The following UQCC6 variants were observed in gnomAD, a reference collection of about 807,000 sequenced individuals.
The protein encoded by UQCC6 is ubiquinol-cytochrome c reductase complex assembly factor 6, also known as protein BRAWNIN.
At chr12:103,957,890 A>AAAATATATATATATAATATATATTTTT in the UQCC6 span, among the ~76,000 whole-genome samples, 14 of 114,938 alleles carry the variant, frequency 1.2e-4, no homozygotes, top group Admixed American at 1.9e-4. Context: ...ATCTCTACTA[A>AAAATATATATATATAATATATATTTTT]AAATATATAT....
At chr12:103,958,505 C>CTATATA in the UQCC6 span, among the ~76,000 whole-genome samples, 2,065 of 152,192 alleles carry the variant, frequency 0.014, 20 homozygotes, top group Middle Eastern at 0.034. Flanking sequence ...CTTTCTGTCA[C>CTATATA]TATAAGTTAG....
the UQCC6 span, among the ~76,000 whole-genome samples, chr12:103,959,905 G>T: frequency 6.9e-6 from 1 of 144,754 alleles, no homozygotes; most frequent in African/African-American, 2.5e-5. Flanking sequence ...CCAAGTAGCT[G>T]AGATTACAGG....
At chr12:103,960,034 CA>C in the UQCC6 span, among the ~76,000 whole-genome samples, 2 of 151,952 alleles carry the variant, frequency 1.3e-5, no homozygotes, top group African/African-American at 4.8e-5. Flanking sequence ...CTCGGCCTCC[CA>C]AAGTGCTGGG....
the UQCC6 span, chr12:103,951,545 G>A: frequency 6.5e-7 from 1 of 1,543,074 alleles, no homozygotes; most frequent in African/African-American, 1.4e-5. Flanking sequence ...CTCCTGTTGA[G>A]AAACTTGAGG....
At chr12:103,951,559 G>T in the UQCC6 span, 1 of 1,548,878 alleles carries the variant, frequency 6.5e-7, no homozygotes, top group Non-Finnish European at 8.7e-7. Context: ...CTTGAGGTTT[G>T]TGTTTTCTTT....
chr12:103,956,898 G>T, the UQCC6 span: 2 of 590,380 alleles, frequency 3.4e-6, no homozygotes, highest in South Asian at 4.1e-5. Context: ...CCCACGCCTC[G>T]GTTTCCTCCT....
chr12:103,951,612 G>T, the UQCC6 span: 1 of 1,538,234 alleles, frequency 6.5e-7, no homozygotes, highest in Non-Finnish European at 8.8e-7. Context: ...CCACGCTTTG[G>T]TGGAATTTCA....
the UQCC6 span, among the ~76,000 whole-genome samples, chr12:103,959,839 C>G: frequency 3.5e-5 from 4 of 114,790 alleles, no homozygotes; most frequent in Middle Eastern, 0.028. Flanking sequence ...GAGTCTTGCT[C>G]TGTCACCAGG....
chr12:103,956,967 C>A, the UQCC6 span: 2 of 522,924 alleles, frequency 3.8e-6, no homozygotes, highest in African/African-American at 1.9e-5. Context: ...CAGCCCCAAT[C>A]GTTTATCAGT....
the UQCC6 span, among the ~76,000 whole-genome samples, chr12:103,955,314 C>T: frequency 6.7e-6 from 1 of 148,378 alleles, no homozygotes; most frequent in African/African-American, 2.5e-5. Context: ...GAGACTGTGT[C>T]TCAAAAAATA....
chr12:103,957,126 A>C, the UQCC6 span: 1 of 199,808 alleles, frequency 5.0e-6, no homozygotes, highest in Admixed American at 5.6e-5. Flanking sequence ...CACGCGCTCT[A>C]CTAGAGACTG....
At chr12:103,962,122 A>G in the UQCC6 span, among the ~76,000 whole-genome samples, 2 of 151,920 alleles carry the variant, frequency 1.3e-5, no homozygotes, top group African/African-American at 4.8e-5. Context: ...TTGTGCTTCT[A>G]TTTTCTTTGG....
At chr12:103,958,602 T>A in the UQCC6 span, among the ~76,000 whole-genome samples, 2 of 152,242 alleles carry the variant, frequency 1.3e-5, no homozygotes, top group African/African-American at 4.8e-5. Flanking sequence ...TCAGTTATTT[T>A]GAGATTCATC....
the UQCC6 span, chr12:103,955,832 C>G: frequency 6.6e-6 from 3 of 455,208 alleles, no homozygotes; most frequent in Admixed American, 4.7e-5. Flanking sequence ...CTCCACCTCC[C>G]CAAGACTCTA....
At chr12:103,954,945 C>T in the UQCC6 span, 2 of 701,652 alleles carry the variant, frequency 2.9e-6, no homozygotes, top group South Asian at 1.5e-5. Flanking sequence ...AAATCAACTT[C>T]ACTCTTCTCA....
the UQCC6 span, among the ~76,000 whole-genome samples, chr12:103,955,147 T>A: frequency 6.6e-6 from 1 of 151,724 alleles, no homozygotes; most frequent in Non-Finnish European, 1.5e-5. Context: ...AAACACCATA[T>A]CTACTAAAAA....
the UQCC6 span, chr12:103,951,760 C>A: frequency 0.14 from 77,993 of 573,164 alleles, 5,994 homozygotes; most frequent in Admixed American, 0.21. Flanking sequence ...AATGATAACT[C>A]TTTATTATGA....
chr12:103,957,117 A>G, the UQCC6 span: 58 of 240,776 alleles, frequency 2.4e-4, no homozygotes, highest in Admixed American at 4.0e-4. Context: ...GCCTCTATAC[A>G]CGCGCTCTAC....
the UQCC6 span, chr12:103,956,758 G>C: frequency 6.6e-7 from 1 of 1,506,668 alleles, no homozygotes; most frequent in Non-Finnish European, 9.0e-7. Context: ...GCTGGACGGG[G>C]AAGGAAGGGG....
Sources: gnomAD v4.1 joint callset for allele counts (sites outside exome capture counted in the v4.1 genomes callset) on GRCh38, gnomAD v4.1.1 for gene constraint, MANE v1.5 for transcripts, NCBI Gene and HGNC (gene_info 2026-07-23, HGNC 2026-07-21) for gene names.